Variants in GPC6 observed in about 807,000 individuals in gnomAD.
GPC6 encodes the protein glypican 6.
GPC6 carries 14 observed loss-of-function variants against 55.2 expected under a neutral mutation model. That is an observed-to-expected ratio of 0.25 (90% CI 0.17 to 0.40). The LOEUF is 0.40. GPC6 is among the 10% of genes least tolerant of loss of function. The pLI is 1.00. For missense variants in GPC6, 641 were observed against 708.5 expected (o/e 0.90, Z 1.08); for synonymous variants, 278 against 259.6 (o/e 1.07, Z -0.68).
chr13:94,040,742 T>A (rs1427335996), intron 4 of GPC6, among the ~76,000 whole-genome samples: 1 of 151,864 alleles, frequency 6.6e-6, no homozygotes, highest in Non-Finnish European at 1.5e-5. Flanking sequence ...ATAGAGGATT[T>A]ATATTTATTT....
chr13:93,299,024 T>A (rs147868933), intron 1 of GPC6, among the ~76,000 whole-genome samples: 69 of 152,268 alleles, frequency 4.5e-4, no homozygotes, highest in African/African-American at 1.6e-3. Flanking sequence ...CCATCTGGAC[T>A]ACAGTTCCTT....
chr13:93,917,112 A>G (rs1282278849), intron 3 of GPC6, among the ~76,000 whole-genome samples: 2 of 152,208 alleles, frequency 1.3e-5, no homozygotes, highest in African/African-American at 2.4e-5. Context: ...TTTCCAGCTC[A>G]GAGGACTCTT....
chr13:94,265,088 T>C (rs1055903697), intron 4 of GPC6, among the ~76,000 whole-genome samples: 2 of 152,148 alleles, frequency 1.3e-5, no homozygotes, highest in Non-Finnish European at 2.9e-5. Flanking sequence ...TGCCAGACCA[T>C]ATCAACTTGT....
chr13:94,143,960 C>T (rs754168483), intron 4 of GPC6, among the ~76,000 whole-genome samples: 1 of 152,270 alleles, frequency 6.6e-6, no homozygotes, highest in Middle Eastern at 3.4e-3. Context: ...GCGATTGTCA[C>T]GTGGTTTCAA....
At chr13:93,738,304 C>T (rs1466298874) in intron 2 of GPC6, among the ~76,000 whole-genome samples, 4 of 152,062 alleles carry the variant, frequency 2.6e-5, no homozygotes, top group African/African-American at 4.8e-5. Context: ...TTTTGGCCTA[C>T]AGTAGACAGA....
At chr13:93,738,330 T>C (rs1057431940) in intron 2 of GPC6, among the ~76,000 whole-genome samples, 1 of 152,180 alleles carries the variant, frequency 6.6e-6, no homozygotes, top group African/African-American at 2.4e-5. Flanking sequence ...TTCTGAATAG[T>C]GGTATCTGGT....
At chr13:94,335,784 G>C (rs1318739367) in intron 6 of GPC6, among the ~76,000 whole-genome samples, 4 of 152,034 alleles carry the variant, frequency 2.6e-5, no homozygotes, top group Admixed American at 2.6e-4. Context: ...AGACTCCAGA[G>C]TTATTATCTG....
At chr13:93,235,386 GA>G (rs1482468080) in intron 1 of GPC6, among the ~76,000 whole-genome samples, 1 of 152,174 alleles carries the variant, frequency 6.6e-6, no homozygotes, top group Non-Finnish European at 1.5e-5. Context: ...TTATATGACA[GA>G]AAGTAGGTCA....
chr13:94,349,461 G>A (rs1262300712), intron 6 of GPC6, among the ~76,000 whole-genome samples: 1 of 152,088 alleles, frequency 6.6e-6, no homozygotes, highest in African/African-American at 2.4e-5. Context: ...CAGCACTTAT[G>A]GACTTACAAA....
At chr13:93,944,489 C>T (rs1357100014) in intron 3 of GPC6, among the ~76,000 whole-genome samples, 1 of 152,148 alleles carries the variant, frequency 6.6e-6, no homozygotes, top group Non-Finnish European at 1.5e-5. Flanking sequence ...CAGGCATGAG[C>T]CACCACACCC....
At chr13:93,810,486 G>A (rs896457716) in intron 2 of GPC6, among the ~76,000 whole-genome samples, 1 of 152,146 alleles carries the variant, frequency 6.6e-6, no homozygotes, top group Non-Finnish European at 1.5e-5. Context: ...TTTTTAGGAG[G>A]CCCATTGACC....
intron 1 of GPC6, among the ~76,000 whole-genome samples, chr13:93,357,888 T>C (rs1395693880): frequency 2.0e-5 from 3 of 152,176 alleles, no homozygotes; most frequent in Middle Eastern, 6.3e-3. Context: ...TGGACTACTG[T>C]ATGTTGGTGT....
At chr13:93,228,779 C>T (rs1361712516) in intron 1 of GPC6, among the ~76,000 whole-genome samples, 2 of 152,200 alleles carry the variant, frequency 1.3e-5, no homozygotes, top group Non-Finnish European at 2.9e-5. Context: ...CCACCAGCCT[C>T]TGTCTGCTTT....
At chr13:93,433,964 T>A (rs9524060) in intron 1 of GPC6, among the ~76,000 whole-genome samples, 1 of 152,216 alleles carries the variant, frequency 6.6e-6, no homozygotes, top group African/African-American at 2.4e-5. Context: ...GGTTCCCAGC[T>A]GTGTGACCTT....
At chr13:94,401,179 G>A (rs984455180) in intron 8 of GPC6, among the ~76,000 whole-genome samples, 4 of 152,192 alleles carry the variant, frequency 2.6e-5, no homozygotes, top group African/African-American at 9.7e-5. Context: ...GCAAGTATTT[G>A]TTGAGCACTT....
At chr13:93,792,208 T>C (rs1382916950) in intron 2 of GPC6, among the ~76,000 whole-genome samples, 1 of 152,222 alleles carries the variant, frequency 6.6e-6, no homozygotes, top group African/African-American at 2.4e-5. Flanking sequence ...TCTCAGCGTG[T>C]GTTTGTGCCT....
At chr13:93,848,972 A>G (rs1474892889) in intron 3 of GPC6, among the ~76,000 whole-genome samples, 1 of 151,892 alleles carries the variant, frequency 6.6e-6, no homozygotes, top group Non-Finnish European at 1.5e-5. Flanking sequence ...CCAGTTTTTT[A>G]CTCACCCTCT....
intron 1 of GPC6, among the ~76,000 whole-genome samples, chr13:93,284,511 G>A (rs778862123): frequency 2.6e-5 from 4 of 152,168 alleles, no homozygotes; most frequent in Non-Finnish European, 2.9e-5. Context: ...TTCACTTGCA[G>A]TATTGTCAGT....
At chr13:93,542,377 A>T (rs1882350172) in intron 1 of GPC6, among the ~76,000 whole-genome samples, 4 of 152,074 alleles carry the variant, frequency 2.6e-5, no homozygotes, top group Admixed American at 2.0e-4. Flanking sequence ...TGTACCATTG[A>T]TCTATATCTC....
Sources: gnomAD v4.1 joint callset for allele counts (sites outside exome capture counted in the v4.1 genomes callset) on GRCh38, gnomAD v4.1.1 for gene constraint, MANE v1.5 for transcripts, NCBI Gene and HGNC (gene_info 2026-07-23, HGNC 2026-07-21) for gene names.